Variants in SLC25A21 observed in about 807,000 individuals in gnomAD.
SLC25A21 encodes mitochondrial 2-oxodicarboxylate carrier.
Under a neutral mutation model 43.8 loss-of-function variants are expected in SLC25A21, and 47 were observed. That is an observed-to-expected ratio of 1.07 (90% confidence interval 0.85 to 1.37). The LOEUF is 1.37. Ranked by LOEUF, SLC25A21 falls within the 40% of genes most tolerant of loss-of-function variation. The pLI, the probability that SLC25A21 is intolerant of heterozygous loss-of-function variation, is 0.00. For synonymous variants in SLC25A21, 131 were observed against 121.3 expected (o/e 1.08, Z -0.52); for missense variants, 352 against 350.2 (o/e 1.00, Z -0.04).
At chr14:37,049,052 A>G (rs1397605366) in intron 1 of SLC25A21, among the ~76,000 whole-genome samples, 1 of 152,198 alleles carries the variant, frequency 6.6e-6, no homozygotes, top group Non-Finnish European at 1.5e-5. Context: ...CAGAAGCTAC[A>G]GGAGGTAAGG....
chr14:37,108,730 TGTGTGTGTGC>T (rs1236262503), intron 1 of SLC25A21, among the ~76,000 whole-genome samples: 18 of 142,646 alleles, frequency 1.3e-4, no homozygotes, highest in African/African-American at 4.5e-4. Context: ...TGTGTGTGTG[TGTGTGTGTGC>T]GTGTGTGTGT....
chr14:37,166,121 G>C (rs1254378965), intron 1 of SLC25A21, among the ~76,000 whole-genome samples: 1 of 152,158 alleles, frequency 6.6e-6, no homozygotes, highest in African/African-American at 2.4e-5. Flanking sequence ...TCTGTTCTAG[G>C]ATGCACAAAT....
intron 1 of SLC25A21, among the ~76,000 whole-genome samples, chr14:37,085,834 G>T (rs185000687): frequency 6.6e-6 from 1 of 152,140 alleles, no homozygotes. Flanking sequence ...GGCCGGCCGC[G>T]GTGGCTTACG....
At chr14:36,976,658 C>T (rs778825213) in intron 1 of SLC25A21, among the ~76,000 whole-genome samples, 4 of 152,176 alleles carry the variant, frequency 2.6e-5, no homozygotes, top group South Asian at 2.1e-4. Context: ...CTCACCCAAG[C>T]GGCAAGGCTG....
In SLC25A21 at chr14:36,826,589, C is replaced by T. The variant is rs114091897; in HGVS notation, c.120-12588G>A. On this transcript the variant is annotated intron_variant, in intron 2 of 9. Coordinates refer to ENST00000331299, the MANE Select transcript of SLC25A21 (RefSeq NM_030631.4). ...AGAACCTAGCTTGATTATGGCTCTT[C>T]GTGAGGGCCTGAGGGGCCAAACCAT... is the stretch of plus-strand genomic sequence containing the variant. Among the ~76,000 whole-genome samples, 523 of 152,302 alleles carry T rather than the reference C, an allele frequency of 3.4e-3. 5 individuals carry two copies. Among genetic ancestry groups the T allele is most frequent in the African/African-American group, 0.012 (496 of 41,558 alleles).
At chr14:36,779,544 C>A (rs1274083785) in intron 3 of SLC25A21, among the ~76,000 whole-genome samples, 1 of 130,946 alleles carries the variant, frequency 7.6e-6, no homozygotes, top group East Asian at 2.2e-4. Flanking sequence ...TAAGAATAAA[C>A]ATATTCTTAT....
intron 6 of SLC25A21, 54 bp downstream of exon 6, chr14:36,725,516 T>G: frequency 1.5e-6 from 1 of 654,018 alleles, no homozygotes; most frequent in Non-Finnish European, 2.2e-6. Context: ...AATAAATAAA[T>G]AAATAAATAA....
chr14:37,050,511 G>A (rs1476477546), intron 1 of SLC25A21, among the ~76,000 whole-genome samples: 1 of 152,182 alleles, frequency 6.6e-6, no homozygotes, highest in African/African-American at 2.4e-5. Context: ...AGTGGGTGGG[G>A]TACCTTGGAT....
chr14:37,006,273 T>C (rs1960602343), intron 1 of SLC25A21, among the ~76,000 whole-genome samples: 1 of 152,156 alleles, frequency 6.6e-6, no homozygotes, highest in Admixed American at 6.5e-5. Context: ...GTCTCATTAA[T>C]AATAGAATGG....
intron 1 of SLC25A21, among the ~76,000 whole-genome samples, chr14:37,041,196 T>G (rs1221254659): frequency 6.6e-6 from 1 of 152,200 alleles, no homozygotes; most frequent in Admixed American, 6.5e-5. Context: ...TGCAAATTCC[T>G]GAAGGAAGGC....
intron 1 of SLC25A21, among the ~76,000 whole-genome samples, chr14:37,004,592 T>C (rs1309465535): frequency 3.9e-5 from 6 of 152,330 alleles, no homozygotes; most frequent in Admixed American, 1.3e-4. Context: ...TAAACACCTC[T>C]GAGCAAAACA....
chr14:37,113,086 C>T (rs1236331089), intron 1 of SLC25A21, among the ~76,000 whole-genome samples: 5 of 152,078 alleles, frequency 3.3e-5, no homozygotes, highest in African/African-American at 7.2e-5. Flanking sequence ...AAGAGAGCTT[C>T]GTAAAATGAT....
chr14:36,958,931 C>G (rs1959415504), intron 1 of SLC25A21, among the ~76,000 whole-genome samples: 1 of 152,212 alleles, frequency 6.6e-6, no homozygotes, highest in Admixed American at 6.5e-5. Context: ...TTTGTTTAAG[C>G]TGTCTGGTGA....
chr14:36,807,921 A>G (rs944364126), intron 3 of SLC25A21, among the ~76,000 whole-genome samples: 5 of 152,178 alleles, frequency 3.3e-5, no homozygotes, highest in Non-Finnish European at 7.4e-5. Flanking sequence ...TCTGGAGTTT[A>G]CCAAATTAGC....
intron 3 of SLC25A21, 72 bp downstream of exon 3, chr14:36,813,846 A>T: frequency 8.6e-7 from 1 of 1,157,530 alleles, no homozygotes; most frequent in Non-Finnish European, 1.3e-6. Flanking sequence ...GACTAGGAAA[A>T]TAAACCATTC....
intron 7 of SLC25A21, among the ~76,000 whole-genome samples, chr14:36,693,182 C>T (rs1330994427): frequency 6.6e-6 from 1 of 152,184 alleles, no homozygotes; most frequent in Non-Finnish European, 1.5e-5. Context: ...TTTTGCACAT[C>T]TTAATTTCAG....
At chr14:36,703,628 AC>A (rs1363257056) in intron 7 of SLC25A21, among the ~76,000 whole-genome samples, 1 of 152,226 alleles carries the variant, frequency 6.6e-6, no homozygotes, top group Non-Finnish European at 1.5e-5. Context: ...AACTGAAAGC[AC>A]CATTTAATAC....
intron 3 of SLC25A21, among the ~76,000 whole-genome samples, chr14:36,778,776 A>G (rs548286999): frequency 1.3e-5 from 2 of 152,200 alleles, no homozygotes; most frequent in Non-Finnish European, 2.9e-5. Flanking sequence ...AATTACCAAA[A>G]TCAAGTTAAT....
chr14:37,039,667 A>T (rs1249619641), intron 1 of SLC25A21, among the ~76,000 whole-genome samples: 4 of 152,188 alleles, frequency 2.6e-5, no homozygotes, highest in Non-Finnish European at 4.4e-5. Context: ...GCCTCTTCTA[A>T]GTGGCAGGTA....
Sources: allele counts gnomAD v4.1 joint callset (sites outside exome capture counted in the v4.1 genomes callset), GRCh38; gene constraint gnomAD v4.1.1; transcripts MANE v1.5; gene names NCBI Gene and HGNC (gene_info 2026-07-23, HGNC 2026-07-21).